The following SORBS2 variants were observed in gnomAD, a reference collection of about 807,000 sequenced individuals.
SORBS2 encodes the protein sorbin and SH3 domain containing 2.
SORBS2 carries 46 observed loss-of-function variants against 97.7 expected under a neutral mutation model. The ratio of observed to expected loss-of-function variants is 0.47; its 90% CI spans 0.37 to 0.60. The LOEUF (loss-of-function observed/expected upper bound fraction) is 0.60. Ranked by LOEUF, SORBS2 falls within the 20% of genes least tolerant of loss-of-function variation. The pLI is 0.00. For missense variants in SORBS2, 1,316 were observed against 1,282.3 expected, an observed-to-expected ratio of 1.03 and a Z score of -0.40; for synonymous variants, 476 against 473.4, an observed-to-expected ratio of 1.01 and a Z score of -0.07.
At chr4:185,924,587 C>T (rs1427316997) in intron 1 of SORBS2, among the ~76,000 whole-genome samples, 1 of 152,170 alleles carries the variant, frequency 6.6e-6, no homozygotes, top group East Asian at 1.9e-4. Context: ...CCACATAACC[C>T]CACGTGTGTA....
At chr4:185,912,605 AAAAAAAG>A (rs1489724699) in intron 1 of SORBS2, among the ~76,000 whole-genome samples, 2 of 151,294 alleles carry the variant, frequency 1.3e-5, no homozygotes, top group Non-Finnish European at 2.9e-5. Flanking sequence ...AAAAAAAAAA[AAAAAAAG>A]AGTTTCTATT....
intron 2 of SORBS2, among the ~76,000 whole-genome samples, chr4:185,750,681 C>A (rs1290703284): frequency 1.3e-5 from 2 of 152,202 alleles, no homozygotes; most frequent in Admixed American, 1.3e-4. Flanking sequence ...CAAACAATAA[C>A]TTTCAACCTC....
intron 1 of SORBS2, among the ~76,000 whole-genome samples, chr4:185,795,018 A>G (rs992228826): frequency 6.6e-6 from 1 of 152,152 alleles, no homozygotes; most frequent in Non-Finnish European, 1.5e-5. Flanking sequence ...GTGTTCACAG[A>G]TGATGCCTAA....
At chr4:185,616,353 G>A (rs1561431833) in intron 9 of SORBS2, among the ~76,000 whole-genome samples, 1 of 152,158 alleles carries the variant, frequency 6.6e-6, no homozygotes, top group African/African-American at 2.4e-5. Context: ...TTGAAAATGT[G>A]TTAAATTTTC....
In SORBS2 at chr4:185,789,905, C is replaced by A. The variant is rs555933517; in HGVS notation, c.-337-14539G>T. 5.3e-5 allele frequency among the ~76,000 whole-genome samples: 8 copies of A among 152,280 alleles called. No homozygotes were observed. The South Asian group carries it at 1.7e-3, about 32-fold the overall frequency. ...AAATGAGTTTGACCCTAAGTTTCTT[C>A]CTACCTATATAAATACTTAGAAACT... On this transcript the variant is annotated intron_variant, in intron 1 of 20. Coordinates refer to the SORBS2 transcript ENST00000284776.
intron 2 of SORBS2, among the ~76,000 whole-genome samples, chr4:185,703,924 A>C (rs998201997): frequency 5.9e-5 from 9 of 152,240 alleles, no homozygotes; most frequent in Admixed American, 5.9e-4. Context: ...TTTCCTTCAA[A>C]AATACAGATT....
At chr4:185,629,130 G>A (rs1019301659) in intron 5 of SORBS2, among the ~76,000 whole-genome samples, 2 of 152,180 alleles carry the variant, frequency 1.3e-5, no homozygotes, top group Admixed American at 6.5e-5. Flanking sequence ...ATGGTAAAGT[G>A]AATACATGTG....
intron 2 of SORBS2, among the ~76,000 whole-genome samples, chr4:185,738,981 G>A (rs1281662611): frequency 2.0e-5 from 3 of 152,252 alleles, no homozygotes; most frequent in Admixed American, 6.5e-5. Flanking sequence ...GTTAGCTGGA[G>A]TTAGAAGGTT....
chr4:185,769,373 C>T (rs575686727), intron 2 of SORBS2, among the ~76,000 whole-genome samples: 5 of 152,272 alleles, frequency 3.3e-5, no homozygotes, highest in African/African-American at 9.6e-5. Context: ...TCTCAGCCAC[C>T]CACATGGAAA....
At chr4:185,865,801 A>AT (rs1288205103) in intron 1 of SORBS2, among the ~76,000 whole-genome samples, 1 of 152,156 alleles carries the variant, frequency 6.6e-6, no homozygotes, top group Non-Finnish European at 1.5e-5. Context: ...TCTGCTCCCA[A>AT]TTTTTTATCA....
chr4:185,615,761 CAAG>C (rs774532539), intron 9 of SORBS2, among the ~76,000 whole-genome samples: 2 of 152,090 alleles, frequency 1.3e-5, no homozygotes, highest in African/African-American at 2.4e-5. Flanking sequence ...TTCAGTGGGG[CAAG>C]AAGAATGTGT....
Position 185,677,392 on chromosome 4 carries a change from C to T in SORBS2, c.-46+1031G>A, listed in dbSNP as rs78467275. 3.0e-3 allele frequency: 4,685 copies of T among 1,552,220 alleles called. 116 individuals carry two copies. The African/African-American group carries it at 0.057, about 19-fold the overall frequency. ...GGTGCAGGATCCGTGCTGGAAGCTG[C>T]TGGTAGTGGATTAGTGATTTTTTGT... On this transcript the variant is annotated intron_variant, in intron 4 of 20. Transcript: ENST00000284776.
At chr4:185,674,802 C>T (rs2153493419) in intron 4 of SORBS2, among the ~76,000 whole-genome samples, 1 of 152,268 alleles carries the variant, frequency 6.6e-6, no homozygotes, top group Non-Finnish European at 1.5e-5. Context: ...TATTCTTCCT[C>T]CTTCAAAGCT....
intron 1 of SORBS2, among the ~76,000 whole-genome samples, chr4:185,785,612 G>A (rs1230732634): frequency 1.3e-5 from 2 of 152,086 alleles, no homozygotes; most frequent in Non-Finnish European, 2.9e-5. Context: ...CAATCTTCTT[G>A]GGCTTCAGTT....
At chr4:185,728,903 T>A (rs1482173299) in intron 2 of SORBS2, among the ~76,000 whole-genome samples, 2 of 152,220 alleles carry the variant, frequency 1.3e-5, no homozygotes, top group African/African-American at 4.8e-5. Flanking sequence ...CTGTGCTGGG[T>A]GCACACGAGG....
chr4:185,713,356 T>G (rs2098439616), intron 2 of SORBS2, among the ~76,000 whole-genome samples: 1 of 152,226 alleles, frequency 6.6e-6, no homozygotes, highest in South Asian at 2.1e-4. Flanking sequence ...GTTTCCTTTG[T>G]CTTTTAAAAG....
chr4:185,690,760 G>A (rs2098078178), intron 2 of SORBS2, 149 bp from the exon 4 acceptor site: 6 of 457,770 alleles, frequency 1.3e-5, no homozygotes, highest in Non-Finnish European at 2.4e-5. Context: ...AAGGTAGGAA[G>A]AATTTATAAT....
chr4:185,833,585 A>C (rs2099206317), intron 1 of SORBS2, among the ~76,000 whole-genome samples: 1 of 152,242 alleles, frequency 6.6e-6, no homozygotes, highest in Admixed American at 6.5e-5. Context: ...TACAATACAC[A>C]AAATACAAAA....
At chr4:185,819,674 C>T (rs921563364) in intron 1 of SORBS2, among the ~76,000 whole-genome samples, 5 of 152,158 alleles carry the variant, frequency 3.3e-5, no homozygotes, top group African/African-American at 1.2e-4. Flanking sequence ...TGGCTGGTCA[C>T]CTGTCAGTGC....
Sources: allele counts gnomAD v4.1 joint callset (sites outside exome capture counted in the v4.1 genomes callset), GRCh38; gene constraint gnomAD v4.1.1; transcripts MANE v1.5; gene names NCBI Gene and HGNC (gene_info 2026-07-23, HGNC 2026-07-21).